The following CLASP2 variants were observed in gnomAD, a reference collection of about 807,000 sequenced individuals.
The protein encoded by CLASP2 is CLIP-associating protein 2.
A neutral mutation model predicts 194.4 loss-of-function variants in CLASP2; 47 were observed. That is an observed-to-expected ratio of 0.24 (90% CI 0.19 to 0.31). The LOEUF (loss-of-function observed/expected upper bound fraction) is 0.31. CLASP2 is among the 10% of genes least tolerant of loss of function. The pLI is 1.00. For synonymous variants in CLASP2, 619 were observed against 633.5 expected, an observed-to-expected ratio of 0.98 and a Z score of 0.34; for missense variants, 1,445 against 1,823.6, an observed-to-expected ratio of 0.79 and a Z score of 3.78.
chr3:33,542,654 G>A (rs1268406419), intron 32 of CLASP2, among the ~76,000 whole-genome samples: 1 of 148,206 alleles, frequency 6.7e-6, no homozygotes, highest in African/African-American at 2.5e-5. Context: ...TGACATATAT[G>A]TAATTCATTA....
intron 32 of CLASP2, among the ~76,000 whole-genome samples, chr3:33,541,276 T>C (rs1576159999): frequency 1.3e-5 from 2 of 152,022 alleles, no homozygotes; most frequent in South Asian, 2.1e-4. Flanking sequence ...ATAAAGAAAA[T>C]GTGGTATCTA....
chr3:33,634,961 G>T (rs565093797), intron 8 of CLASP2, among the ~76,000 whole-genome samples: 126 of 152,162 alleles, frequency 8.3e-4, no homozygotes, highest in Non-Finnish European at 1.1e-3. Flanking sequence ...TAATATTAAA[G>T]CACTGAAATA....
At chr3:33,546,055 T>A (rs1172109610) in intron 30 of CLASP2, among the ~76,000 whole-genome samples, 2 of 152,158 alleles carry the variant, frequency 1.3e-5, no homozygotes, top group Admixed American at 1.3e-4. Context: ...AAAGTTACGA[T>A]CTCATACTTT....
intron 11 of CLASP2, among the ~76,000 whole-genome samples, chr3:33,620,533 C>T (rs1165202797): frequency 6.6e-6 from 1 of 152,148 alleles, no homozygotes; most frequent in Non-Finnish European, 1.5e-5. Flanking sequence ...CCGACCTATG[C>T]ACTGTTATAA....
intron 31 of CLASP2, among the ~76,000 whole-genome samples, chr3:33,543,795 G>C (rs1024256019): frequency 1.6e-4 from 25 of 152,100 alleles, no homozygotes; most frequent in African/African-American, 6.0e-4. Context: ...TTTCCCTCAA[G>C]GATTGAATGT....
chr3:33,598,833 A>G (rs1199116580), intron 18 of CLASP2, among the ~76,000 whole-genome samples: 1 of 152,206 alleles, frequency 6.6e-6, no homozygotes, highest in African/African-American at 2.4e-5. Flanking sequence ...ATATTCATAA[A>G]TATGTACTCA....
chr3:33,624,768 T>C (rs1391963432), intron 10 of CLASP2, among the ~76,000 whole-genome samples: 3 of 152,114 alleles, frequency 2.0e-5, no homozygotes, highest in South Asian at 2.1e-4. Flanking sequence ...CATGAGTAAC[T>C]GAAGCCATGG....
At chr3:33,505,227 AAAC>A (rs397874790) in intron 37 of CLASP2, 9,130 of 117,380 alleles carry the variant, frequency 0.078, 299 homozygotes, top group Non-Finnish European at 0.096. Flanking sequence ...CCAGAGATAA[AAAC>A]AACAACAACA....
intron 2 of CLASP2, among the ~76,000 whole-genome samples, chr3:33,695,131 T>C (rs149306538): frequency 1.1e-4 from 16 of 151,276 alleles, no homozygotes; most frequent in African/African-American, 3.6e-4. Context: ...GCAATCTTAG[T>C]TCATTGTAAC....
Position 33,689,941 on chromosome 3 carries a change from G to A in CLASP2, c.275-9C>T, listed in dbSNP as rs780439470. On this transcript the variant is annotated splice_polypyrimidine_tract_variant and intron_variant, in intron 2 of 38. Transcript: ENST00000682230. ...TATTAAAGCTACAATAACTAAAGAA[G>A]GGGAGGGAGTAAAAGAGTAATTACT... The A allele has an allele frequency of 1.9e-6, 3 of 1,541,116 alleles. No individual in the cohort carries two copies. In the East Asian group the frequency reaches 7.0e-5, roughly 36 times the overall value.
intron 3 of CLASP2, among the ~76,000 whole-genome samples, chr3:33,688,982 G>A (rs1021996938): frequency 3.3e-5 from 5 of 151,960 alleles, no homozygotes; most frequent in Non-Finnish European, 7.4e-5. Context: ...TTTTACAAAC[G>A]TAAAGCCAAC....
intron 12 of CLASP2, among the ~76,000 whole-genome samples, chr3:33,616,884 T>C (rs905606129): frequency 2.6e-5 from 4 of 151,516 alleles, no homozygotes; most frequent in Non-Finnish European, 5.9e-5. Flanking sequence ...ATTACAGGCA[T>C]GCACCATCAC....
chr3:33,607,527 A>G, intron 14 of CLASP2, 66 bp from the exon 15 acceptor site: 1 of 1,096,298 alleles, frequency 9.1e-7, no homozygotes, highest in East Asian at 2.5e-5. Flanking sequence ...ATGGTACTTA[A>G]GGCCTATATG....
intron 7 of CLASP2, 28 bp from the exon 8 acceptor site, chr3:33,644,931 T>C (rs2082024060): frequency 6.4e-7 from 1 of 1,562,676 alleles, no homozygotes; most frequent in Non-Finnish European, 8.7e-7. Context: ...AAAATGTATT[T>C]AAGAGAACTA....
intron 34 of CLASP2, among the ~76,000 whole-genome samples, chr3:33,534,398 T>C (rs180843127): frequency 6.2e-4 from 95 of 152,022 alleles, no homozygotes; most frequent in Non-Finnish European, 1.3e-4. Context: ...CCCATCTCTA[T>C]AGAACATTTA....
intron 7 of CLASP2, among the ~76,000 whole-genome samples, chr3:33,658,696 T>A (rs1194669781): frequency 1.3e-5 from 2 of 152,144 alleles, no homozygotes; most frequent in African/African-American, 4.8e-5. Context: ...TCTTCCAATA[T>A]CCCTTCATAT....
At chr3:33,669,012 A>G (rs1352807929) in intron 6 of CLASP2, among the ~76,000 whole-genome samples, 1 of 152,264 alleles carries the variant, frequency 6.6e-6, no homozygotes, top group Non-Finnish European at 1.5e-5. Flanking sequence ...AATTCTGATA[A>G]GAGGAAAATC....
chr3:33,608,730 A>ATT, intron 13 of CLASP2, 104 bp from the exon 14 acceptor site: 1 of 434,138 alleles, frequency 2.3e-6, no homozygotes. Flanking sequence ...AGCATAAGAC[A>ATT]TGTTTTTAGA....
At chr3:33,585,836 A>G (rs560670023) in intron 21 of CLASP2, among the ~76,000 whole-genome samples, 1 of 152,262 alleles carries the variant, frequency 6.6e-6, no homozygotes, top group South Asian at 2.1e-4. Context: ...TTCTATCACT[A>G]TTTTTTGTTA....
Sources: gnomAD v4.1 joint callset for allele counts (sites outside exome capture counted in the v4.1 genomes callset) on GRCh38, gnomAD v4.1.1 for gene constraint, MANE v1.5 for transcripts, NCBI Gene and HGNC (gene_info 2026-07-23, HGNC 2026-07-21) for gene names.